TTC21A: variants seen among roughly 807,000 people sequenced by gnomAD.
TTC21A encodes the protein tetratricopeptide repeat domain 21A.
TTC21A carries 128 observed loss-of-function variants against 156.4 expected under a neutral mutation model. The ratio of observed to expected loss-of-function variants is 0.82; its 90% CI spans 0.71 to 0.95. The LOEUF is 0.95. Ranked by LOEUF, TTC21A falls within the 40% of genes least tolerant of loss-of-function variation. The pLI is 0.00. For missense variants in TTC21A, 1,435 were observed against 1,602.3 expected, an observed-to-expected ratio of 0.90 and a Z score of 1.78; for synonymous variants, 587 against 617.1, an observed-to-expected ratio of 0.95 and a Z score of 0.72.
rs2037446925 is a variant in TTC21A at position 39,118,164 on chromosome 3, T to G, written c.801+11T>G. ...GGAAACATGACCACAGTAAGTTCTT[T>G]GAAGACTCAGAAGGTGATCCTTGAA... On this transcript the variant is annotated intron_variant, in intron 7 of 28. Transcript: ENST00000683103. 6.2e-7 allele frequency: 1 copy of G among 1,613,728 alleles called. No homozygotes were observed. The highest frequency in any genetic ancestry group is 8.5e-7 in the Non-Finnish European group (1 of 1,179,732).
Position 39,130,455 on chromosome 3 carries a change from G to A in TTC21A, c.2319+97G>A. ...CTGGGGAGCTCTGGGTGGGAGGAGA[G>A]TGGCTGACTTTTCACTCAGCTCCTT... On this transcript the variant is annotated intron_variant, in intron 17 of 28. Coordinates refer to ENST00000683103, the MANE Select transcript of TTC21A (RefSeq NM_001366900.1). This position sits in a 1 kb window ranked among gnomAD's most constrained non-coding sequence, Gnocchi z 4.5. The A allele has an allele frequency of 1.8e-6, 2 of 1,085,794 alleles. No individual in the cohort carries two copies. Among genetic ancestry groups the A allele is most frequent in the Non-Finnish European group, 1.3e-6 (1 of 757,594 alleles). The allele number at this position is 1,085,794 out of a possible 1,614,324, so 67.3% of individuals were successfully genotyped here. A position where few individuals can be genotyped will look rare whatever the true frequency, so the allele number is the denominator to read the frequency against.
rs1162323785 is a variant in TTC21A at position 39,109,099 on chromosome 3, C to T, written c.42C>T (p.Tyr14=). 1.5e-5 allele frequency: 25 copies of T among 1,613,894 alleles called. No homozygotes were observed. The highest frequency in any genetic ancestry group is 2.0e-5 in the Non-Finnish European group (24 of 1,179,888). Residue 14 remains tyrosine (Y), a synonymous_variant, in exon 2 of 29, where the codon TAC becomes TAT. Coordinates refer to ENST00000683103, the MANE Select transcript of TTC21A (RefSeq NM_001366900.1). ...NDSSLMAGII[Y]YSQEKYFHHV... is the part of the protein sequence containing the mutation. ...CCTTCATACAGGCTGGGATCATTTA[C>T]TATAGCCAGGAAAAGTACTTCCACC...
At chr3:39,114,502 G>C (rs1424288803) in intron 5 of TTC21A, 83 bp from the exon 6 acceptor site, 1 of 1,383,846 alleles carries the variant, frequency 7.2e-7, no homozygotes, top group East Asian at 2.3e-5. Flanking sequence ...TGTTTTCATG[G>C]AGACACAGAG....
intron 1 of TTC21A, chr3:39,108,108 A>C: frequency 3.4e-6 from 2 of 580,374 alleles, no homozygotes; most frequent in South Asian, 4.3e-5. Flanking sequence ...AATCACTATC[A>C]TTATCCCTTC....
chr3:39,127,726 C>T (rs1310941626), intron 12 of TTC21A, among the ~76,000 whole-genome samples: 5 of 152,188 alleles, frequency 3.3e-5, no homozygotes, highest in Admixed American at 6.5e-5. Context: ...AGGGAGGCCC[C>T]GCAGCCCTCA....
At chr3:39,112,211 A>C (rs936529832) in intron 4 of TTC21A, among the ~76,000 whole-genome samples, 1 of 152,152 alleles carries the variant, frequency 6.6e-6, no homozygotes, top group African/African-American at 2.4e-5. Flanking sequence ...CTGAGTTGTA[A>C]GTAGTGGTAA....
rs1381210282 is a variant in TTC21A at position 39,130,155 on chromosome 3, AG to A, written c.2208+5del. ...TGCCTTAATGAGCATTCTGGAGGTA[AG>A]TGAGAGGCCTCACAGCCTTGCCAAG... On this transcript the variant is annotated splice_donor_5th_base_variant and intron_variant, in intron 16 of 28. Transcript: ENST00000683103. The surrounding 1 kb of genome is among the most constrained non-coding windows in gnomAD (Gnocchi z 4.5). 4.3e-6 allele frequency: 7 copies of A among 1,613,858 alleles called. No individual in the cohort carries two copies. The highest frequency in any genetic ancestry group is 5.9e-6 in the Non-Finnish European group (7 of 1,179,900).
intron 12 of TTC21A, among the ~76,000 whole-genome samples, chr3:39,127,456 C>T (rs571961430): frequency 1.3e-5 from 2 of 152,268 alleles, no homozygotes; most frequent in African/African-American, 2.4e-5. Flanking sequence ...CCCTGGGTGC[C>T]GGCATCTGCC....
chr3:39,134,025 G>A lies in TTC21A; in HGVS notation c.2752-193G>A, dbSNP rs528413896. On this transcript the variant is annotated intron_variant, in intron 20 of 28. Transcript: ENST00000683103. The surrounding 1 kb of genome is among the most constrained non-coding windows in gnomAD (Gnocchi z 4.6). ...AGCTTGGCCCAACTTTCAGAGGTTA[G>A]TAAGACACAGGGTATGACTGGAGAA... Among the ~76,000 whole-genome samples the A allele has an allele frequency of 6.6e-6, 1 of 152,182 alleles. No homozygotes were observed. Among genetic ancestry groups the A allele is most frequent in the Non-Finnish European group, 1.5e-5 (1 of 68,038 alleles).
Position 39,136,283 on chromosome 3 carries a change from C to T in TTC21A, c.2945-74C>T, listed in dbSNP as rs557332982. 5.4e-5 allele frequency: 83 copies of T among 1,526,826 alleles called. No individual in the cohort carries two copies. In the African/African-American group the frequency reaches 1.0e-3, roughly 19 times the overall value. 94.6% of individuals were successfully genotyped at this position (1,526,826 alleles called of 1,614,324 possible). A position where few individuals can be genotyped will look rare whatever the true frequency, so the allele number is the denominator to read the frequency against. ...GATGGGCAGTATCTCTTGGCTTCTC[C>T]TAGGGCCCCAGCACCCTCATCTGAT... On this transcript the variant is annotated intron_variant, in intron 22 of 28. Coordinates refer to ENST00000683103, the MANE Select transcript of TTC21A (RefSeq NM_001366900.1).
At chr3:39,120,262 G>A (rs574143410) in intron 8 of TTC21A, among the ~76,000 whole-genome samples, 7 of 152,282 alleles carry the variant, frequency 4.6e-5, no homozygotes, top group East Asian at 1.9e-4. Context: ...TCAGGGAGAC[G>A]GGGTCTGAAA....
rs775956871 is a variant in TTC21A at position 39,121,040 on chromosome 3, T to C, written c.944T>C (p.Ile315Thr). ...QVILGLVCSFIERTFMATPSY... is the reference protein window; with the variant it reads ...QVILGLVCSFTERTFMATPSY... ...ATTCTAGGGCTAGTGTGTAGTTTCATCGAGCGCACCTTCATGGCCACCCCC... is the reference window on the plus strand; with the variant it reads ...ATTCTAGGGCTAGTGTGTAGTTTCACCGAGCGCACCTTCATGGCCACCCCC... The change falls in exon 9 of 29, where the codon ATC becomes ACC. Residue 315 changes from isoleucine (I) to threonine (T), a missense_variant. Transcript: ENST00000683103. 1 of 1,613,528 alleles carries C rather than the reference T, an allele frequency of 6.2e-7. No homozygotes were observed. The highest frequency in any genetic ancestry group is 2.2e-5 in the East Asian group (1 of 44,858).
chr3:39,109,550 G>A (rs1488334589), intron 2 of TTC21A, among the ~76,000 whole-genome samples: 1 of 152,234 alleles, frequency 6.6e-6, no homozygotes, highest in Admixed American at 6.5e-5. Flanking sequence ...AGAGGTAGGT[G>A]TGAGGACAGG....
At chr3:39,135,640 A>G (rs1311922518) in intron 22 of TTC21A, among the ~76,000 whole-genome samples, 1 of 152,180 alleles carries the variant, frequency 6.6e-6, no homozygotes, top group Admixed American at 6.5e-5. Flanking sequence ...GGTTAGGAGT[A>G]TGGGTGCTGG....
At chr3:39,133,333 C>T in intron 20 of TTC21A, 93 bp downstream of exon 20, 1 of 1,276,938 alleles carries the variant, frequency 7.8e-7, no homozygotes, top group Middle Eastern at 2.0e-4. Context: ...AGTCCCTTCT[C>T]CATTCTTCCC....
At chr3:39,117,134 A>G (rs2037361079) in intron 6 of TTC21A, among the ~76,000 whole-genome samples, 1 of 152,230 alleles carries the variant, frequency 6.6e-6, no homozygotes, top group East Asian at 1.9e-4. Flanking sequence ...TTGGATATGT[A>G]ATATTTTTCC....
chr3:39,126,475 TACACACACACACACACACAC>T (rs59925253), intron 12 of TTC21A, 85 bp downstream of exon 12: 35 of 520,444 alleles, frequency 6.7e-5, no homozygotes, highest in East Asian at 4.2e-4. Context: ...CCTAGGATAC[TACACACACACACACACACAC>T]ACACACACAC....
chr3:39,129,007 C>A, intron 14 of TTC21A, 65 bp from the exon 15 acceptor site: 3 of 1,606,258 alleles, frequency 1.9e-6, no homozygotes, highest in Non-Finnish European at 2.6e-6. Flanking sequence ...GAACCAGGTT[C>A]TTTGATTCCA....
intron 9 of TTC21A, among the ~76,000 whole-genome samples, chr3:39,123,678 GA>G (rs140658766): frequency 0.1 from 14,981 of 147,964 alleles, 914 homozygotes; most frequent in Non-Finnish European, 0.13. Context: ...GCTCTACATG[GA>G]AAAAAAAAAT....
Sources: gnomAD v4.1 joint callset for allele counts (sites outside exome capture counted in the v4.1 genomes callset) on GRCh38, gnomAD v4.1.1 for gene constraint, Gnocchi (gnomAD v3.1) non-coding constraint, MANE v1.5 for transcripts, NCBI Gene and HGNC (gene_info 2026-07-23, HGNC 2026-07-21) for gene names.